Variants in GALNT17 observed in about 807,000 individuals in gnomAD.
GALNT17 encodes the protein polypeptide N-acetylgalactosaminyltransferase 17, also known as UDP-GalNAc:polypeptide N-acetylgalactosaminyltransferase-like 3.
Under a neutral mutation model 63.7 loss-of-function variants are expected in GALNT17, and 29 were observed. That is an observed-to-expected ratio of 0.46 (90% CI 0.34 to 0.62). The LOEUF (loss-of-function observed/expected upper bound fraction) is 0.62, where lower values mean the gene tolerates loss of function less well. Among genes scored for constraint, GALNT17 ranks in the 20% least tolerant of loss-of-function variants. GALNT17 has a pLI of 0.01. For missense variants in GALNT17, 603 were observed against 799.6 expected (o/e 0.75, Z 2.97); for synonymous variants, 305 against 318.3 (o/e 0.96, Z 0.45).
chr7:71,460,217 A>G (rs1439926332), intron 5 of GALNT17, among the ~76,000 whole-genome samples: 5 of 152,186 alleles, frequency 3.3e-5, no homozygotes, highest in South Asian at 4.1e-4. Flanking sequence ...CTGTTCATCA[A>G]CAAGGCCAAA....
chr7:71,707,632 C>T (rs1326579507), intron 9 of GALNT17, among the ~76,000 whole-genome samples: 3 of 152,160 alleles, frequency 2.0e-5, no homozygotes, highest in South Asian at 4.1e-4. Flanking sequence ...TGGACTCATT[C>T]GTGCATCTCC....
At chr7:71,539,707 C>CTTTTTTTTTTTTTTTTT (rs71089953) in intron 5 of GALNT17, among the ~76,000 whole-genome samples, 4 of 71,416 alleles carry the variant, frequency 5.6e-5, no homozygotes, top group African/African-American at 2.3e-4. Context: ...TTAGTCCCAC[C>CTTTTTTTTTTTTTTTTT]TTTTTTTTTT....
chr7:71,235,033 C>T (rs1375875146), intron 1 of GALNT17, among the ~76,000 whole-genome samples: 1 of 152,032 alleles, frequency 6.6e-6, no homozygotes, highest in Non-Finnish European at 1.5e-5. Context: ...GGCAGATTGC[C>T]TGAGCTCAGG....
intron 1 of GALNT17, among the ~76,000 whole-genome samples, chr7:71,326,112 A>G (rs530360019): frequency 1.3e-5 from 2 of 152,052 alleles, no homozygotes; most frequent in South Asian, 4.2e-4. Flanking sequence ...AGAACGTTTT[A>G]TTGTGTTGCA....
intron 2 of GALNT17, among the ~76,000 whole-genome samples, chr7:71,359,359 G>T (rs1792354234): frequency 1.3e-5 from 2 of 152,136 alleles, no homozygotes; most frequent in Middle Eastern, 6.8e-3. Flanking sequence ...GAGAGGGGTG[G>T]CAGGTGCCGG....
intron 7 of GALNT17, among the ~76,000 whole-genome samples, chr7:71,669,473 T>A (rs1222546476): frequency 6.6e-6 from 1 of 151,234 alleles, no homozygotes; most frequent in Non-Finnish European, 1.5e-5. Context: ...ATCGTGCCAC[T>A]GCATTCCAGC....
chr7:71,155,565 G>A (rs567540967), intron 1 of GALNT17, among the ~76,000 whole-genome samples: 34 of 151,656 alleles, frequency 2.2e-4, no homozygotes, highest in Non-Finnish European at 4.6e-4. Flanking sequence ...GAGCCACTGC[G>A]CCCAGCTTCT....
intron 1 of GALNT17, among the ~76,000 whole-genome samples, chr7:71,298,517 C>T (rs1359710844): frequency 6.6e-6 from 1 of 152,138 alleles, no homozygotes; most frequent in Non-Finnish European, 1.5e-5. Context: ...TACACTGTGG[C>T]ATCTGCTCCT....
At chr7:71,136,555 C>T (rs894791397) in intron 1 of GALNT17, among the ~76,000 whole-genome samples, 7 of 151,112 alleles carry the variant, frequency 4.6e-5, no homozygotes, top group African/African-American at 7.3e-5. Flanking sequence ...GTGCGATCTC[C>T]GCTCGCTGCA....
chr7:71,180,670 G>A (rs2116312239), intron 1 of GALNT17, among the ~76,000 whole-genome samples: 1 of 152,284 alleles, frequency 6.6e-6, no homozygotes, highest in African/African-American at 2.4e-5. Context: ...CTAGACACCT[G>A]GGGAGATGGA....
intron 5 of GALNT17, among the ~76,000 whole-genome samples, chr7:71,486,470 C>T (rs1051140132): frequency 1.3e-5 from 2 of 151,524 alleles, no homozygotes; most frequent in Admixed American, 6.6e-5. Flanking sequence ...TTGAGACTTT[C>T]CCATGTGAAC....
At chr7:71,311,591 G>A (rs1034264982) in intron 1 of GALNT17, among the ~76,000 whole-genome samples, 1 of 152,170 alleles carries the variant, frequency 6.6e-6, no homozygotes. Flanking sequence ...GGGGATCCCA[G>A]TTCATGCTTC....
At chr7:71,288,647 A>G (rs1398897664) in intron 1 of GALNT17, among the ~76,000 whole-genome samples, 1 of 152,136 alleles carries the variant, frequency 6.6e-6, no homozygotes, top group African/African-American at 2.4e-5. Flanking sequence ...ATGTCAGTGC[A>G]GTGACCTTGC....
chr7:71,566,785 G>A (rs1420333064), intron 5 of GALNT17, among the ~76,000 whole-genome samples: 3 of 151,714 alleles, frequency 2.0e-5, no homozygotes, highest in East Asian at 1.9e-4. Context: ...GAGAAGGACC[G>A]ATTGCAAAGA....
At chr7:71,484,626 G>T (rs1423713736) in intron 5 of GALNT17, among the ~76,000 whole-genome samples, 1 of 152,120 alleles carries the variant, frequency 6.6e-6, no homozygotes, top group Admixed American at 6.6e-5. Context: ...GACATCATTA[G>T]GTGATAGGCA....
intron 1 of GALNT17, among the ~76,000 whole-genome samples, chr7:71,310,150 TCTTG>T (rs1481095272): frequency 6.6e-6 from 1 of 152,222 alleles, no homozygotes; most frequent in African/African-American, 2.4e-5. Flanking sequence ...CCATCAAACC[TCTTG>T]CTTTTGTAAA....
intron 2 of GALNT17, among the ~76,000 whole-genome samples, chr7:71,358,972 G>A (rs7810163): frequency 0.15 from 22,926 of 151,964 alleles, 2,036 homozygotes; most frequent in East Asian, 0.29. Flanking sequence ...ATGGGGTTTC[G>A]CCATGCTGGC....
At chr7:71,513,668 G>A (rs1026404635) in intron 5 of GALNT17, among the ~76,000 whole-genome samples, 1 of 151,890 alleles carries the variant, frequency 6.6e-6, no homozygotes, top group African/African-American at 2.4e-5. Flanking sequence ...CTACAGGTGT[G>A]AGCCACTGCT....
rs542912027 is a variant in GALNT17, at chr7:71,557,617, A to G, written c.963-13668A>G. On this transcript the variant is annotated intron_variant, in intron 5 of 10. Coordinates refer to ENST00000333538, the MANE Select transcript of GALNT17 (RefSeq NM_022479.3). ...AGACCAGCCTGGCCAACATGATGAA[A>G]CCCTGTCTCTAATAAAAAATAAAAT... 1.3e-3 allele frequency among the ~76,000 whole-genome samples: 200 copies of G among 151,948 alleles called. 1 individual carries two copies. The highest frequency in any genetic ancestry group is 4.5e-3 in the African/African-American group (186 of 41,448).
Sources: gnomAD v4.1 joint callset for allele counts (sites outside exome capture counted in the v4.1 genomes callset) on GRCh38, gnomAD v4.1.1 for gene constraint, MANE v1.5 for transcripts, NCBI Gene and HGNC (gene_info 2026-07-23, HGNC 2026-07-21) for gene names.